The following BIN1 variants were observed in gnomAD, a reference collection of about 807,000 sequenced individuals.
BIN1 encodes the protein myc box-dependent-interacting protein 1.
BIN1 carries 53 observed loss-of-function variants against 82.0 expected under a neutral mutation model. That is an observed-to-expected ratio of 0.65 (90% confidence interval 0.52 to 0.81). BIN1 has a LOEUF of 0.81. BIN1 is among the 40% of genes least tolerant of loss of function. The pLI is 0.00. For missense variants in BIN1, 642 were observed against 784.4 expected (o/e 0.82, Z 2.17); for synonymous variants, 302 against 328.0 (o/e 0.92, Z 0.86).
chr2:127,098,821 C>T (rs1462477473), intron 1 of BIN1, among the ~76,000 whole-genome samples: 39 of 152,228 alleles, frequency 2.6e-4, no homozygotes, highest in Admixed American at 2.4e-3. Flanking sequence ...TGCAGAGGAC[C>T]GAGGCCAAGC....
At chr2:127,106,336 G>A (rs1224533067) in intron 1 of BIN1, among the ~76,000 whole-genome samples, 2 of 152,250 alleles carry the variant, frequency 1.3e-5, no homozygotes, top group East Asian at 3.9e-4. Flanking sequence ...AACGAAAGTG[G>A]AGAAGCAGTG....
intron 1 of BIN1, among the ~76,000 whole-genome samples, chr2:127,097,603 T>C (rs1009635238): frequency 7.9e-5 from 12 of 152,156 alleles, no homozygotes; most frequent in African/African-American, 2.7e-4. Context: ...CCCCAGACCC[T>C]GGGCATGGCT....
chr2:127,100,997 T>TGTGGGGG (rs1680245471), intron 1 of BIN1, among the ~76,000 whole-genome samples: 1 of 71,106 alleles, frequency 1.4e-5, no homozygotes, highest in Admixed American at 1.4e-4. Context: ...GGTAGGAATG[T>TGTGGGGG]GCGGGGGGTG....
Position 127,068,124 on chromosome 2 carries a change from G to C in BIN1, c.612+39C>G. 6.3e-7 allele frequency: 1 copy of C among 1,589,602 alleles called. No homozygotes were observed. Among genetic ancestry groups the C allele is most frequent in the Non-Finnish European group, 8.6e-7 (1 of 1,163,374 alleles). ...GGCGAGAGGACAGGACGACAGACCG[G>C]AAGGCGCCAGCACGTGCAAGGTTAG... On this transcript the variant is annotated intron_variant, in intron 7 of 18. Transcript: ENST00000316724. This position sits in a 1 kb window ranked among gnomAD's most constrained non-coding sequence, Gnocchi z 4.9.
chr2:127,082,039 T>C lies in BIN1; in HGVS notation c.85-5333A>G, dbSNP rs972940746. ...GGCAGGCGGGCAGGGGGAAGGCCAC[T>C]GTCAGACACCCGGCCAGGCTTTCTC... is the stretch of plus-strand genomic sequence containing the variant. On this transcript the variant is annotated intron_variant, in intron 1 of 18. Transcript: ENST00000316724. The surrounding 1 kb of genome is among the most constrained non-coding windows in gnomAD (Gnocchi z 6.1). Among the ~76,000 whole-genome samples, 3 of 152,026 alleles carry C rather than the reference T, an allele frequency of 2.0e-5. No individual in the cohort carries two copies. The highest frequency in any genetic ancestry group is 4.4e-5 in the Non-Finnish European group (3 of 67,994).
chr2:127,083,436 A>G (rs779631813), intron 1 of BIN1, among the ~76,000 whole-genome samples: 6 of 152,202 alleles, frequency 3.9e-5, no homozygotes, highest in Non-Finnish European at 7.3e-5. Context: ...AGCCAACAGA[A>G]GGTAAGCAGC....
chr2:127,048,723 G>T, intron 18 of BIN1, 90 bp from the exon 19 acceptor site: 1 of 1,260,032 alleles, frequency 7.9e-7, no homozygotes, highest in Non-Finnish European at 1.1e-6. Context: ...TGGGAAGACG[G>T]CCCCTCCTCC....
chr2:127,060,401 G>A (rs1488217649), intron 10 of BIN1, among the ~76,000 whole-genome samples: 1 of 152,208 alleles, frequency 6.6e-6, no homozygotes, highest in East Asian at 1.9e-4. Flanking sequence ...AATGCAGCCA[G>A]ATGCTCAGAG....
intron 1 of BIN1, among the ~76,000 whole-genome samples, chr2:127,106,197 C>T (rs1681095195): frequency 6.6e-6 from 1 of 152,222 alleles, no homozygotes; most frequent in Non-Finnish European, 1.5e-5. Context: ...TAAGCCCCTG[C>T]TGGGGCGAGG....
At chr2:127,099,712 C>T (rs1208569605) in intron 1 of BIN1, among the ~76,000 whole-genome samples, 2 of 151,976 alleles carry the variant, frequency 1.3e-5, no homozygotes, top group East Asian at 3.9e-4. Flanking sequence ...CGGGGGTTCA[C>T]CATGTTGGCC....
rs866123187 is a variant in BIN1 at position 127,068,402 on chromosome 2, A to G, written c.520-147T>C. 1.4e-4 allele frequency: 64 copies of G among 449,138 alleles called. No individual in the cohort carries two copies. In the Middle Eastern group the frequency reaches 1.9e-3, roughly 13 times the overall value. The allele number at this position is 449,138 out of a possible 1,614,324, so 27.8% of individuals were successfully genotyped here. A position where few individuals can be genotyped will look rare whatever the true frequency, so the allele number is the denominator to read the frequency against. On this transcript the variant is annotated intron_variant, in intron 6 of 18. Transcript: ENST00000316724. This position sits in a 1 kb window ranked among gnomAD's most constrained non-coding sequence, Gnocchi z 4.9. ...GATATGGGCCCTTGAGGCCGAGAGA[A>G]TTAGGGGGAGCCCGGGGGGTAAGGA...
chr2:127,077,288 C>T (rs1339673055), intron 1 of BIN1, among the ~76,000 whole-genome samples: 1 of 151,918 alleles, frequency 6.6e-6, no homozygotes, highest in Non-Finnish European at 1.5e-5. Context: ...TAGATGTGAC[C>T]TGCCCCAGGC....
chr2:127,059,346 G>A lies in BIN1; in HGVS notation c.858-191C>T, dbSNP rs967404442. Among the ~76,000 whole-genome samples, 2 of 151,788 alleles carry A rather than the reference G, an allele frequency of 1.3e-5. No homozygotes were observed. Among genetic ancestry groups the A allele is most frequent in the South Asian group, 4.2e-4 (2 of 4,784 alleles). The stretch of plus-strand genomic sequence containing the variant: ...GAGCCAAGGGACCTGGGCTTGGGGG[G>A]CTGGAAGTGGGAAGCCTGCCTCAGA... On this transcript the variant is annotated intron_variant, in intron 10 of 18. Transcript: ENST00000316724. This position sits in a 1 kb window ranked among gnomAD's most constrained non-coding sequence, Gnocchi z 6.7.
rs1684085224 is a variant in BIN1, at chr2:127,059,048, G to A, written c.965C>T (p.Ala322Val). Residue 322 changes from alanine to valine, a missense_variant, in exon 11 of 19, where the codon GCC (alanine) becomes GTC (valine). Physicochemically the swap from Ala to Val is moderately conservative, Grantham distance 64 (BLOSUM62 0). Transcript: ENST00000316724. The surrounding 1 kb of genome is among the most constrained non-coding windows in gnomAD (Gnocchi z 6.7). Reference protein sequence around the residue: ...VNHEPEPAGGATPGATLPKSP... With the variant: ...VNHEPEPAGGVTPGATLPKSP... Reference sequence around the variant, plus strand: ...CTTGGGGAGGGTGGCCCCGGGCGTGGCCCCGCCGGCCGGCTCTGGCTCGTG... The same window carrying A: ...CTTGGGGAGGGTGGCCCCGGGCGTGACCCCGCCGGCCGGCTCTGGCTCGTG... 2 of 1,569,936 alleles carry A rather than the reference G, an allele frequency of 1.3e-6. No homozygotes were observed. Among genetic ancestry groups the A allele is most frequent in the East Asian group, 4.7e-5 (2 of 42,824 alleles).
intron 10 of BIN1, among the ~76,000 whole-genome samples, chr2:127,061,140 G>A (rs1684408121): frequency 6.6e-6 from 1 of 151,934 alleles, no homozygotes; most frequent in African/African-American, 2.4e-5. Flanking sequence ...TACAGGCCAG[G>A]CAGCTGTCCC....
At position 127,059,306 on chromosome 2, in the gene BIN1, G is replaced by C; in HGVS notation, c.858-151C>G. ...TGTGTGTGTGTGTATGTGAGAGAGA[G>C]CAGGAGGGTGGGGGGAGCCAAGGGA... On this transcript the variant is annotated intron_variant, in intron 10 of 18. Coordinates refer to ENST00000316724, the MANE Select transcript of BIN1 (RefSeq NM_139343.3). The surrounding 1 kb of genome is among the most constrained non-coding windows in gnomAD (Gnocchi z 6.7). The C allele has an allele frequency of 1.6e-6, 1 of 635,484 alleles. No individual in the cohort carries two copies. The highest frequency in any genetic ancestry group is 1.7e-5 in the South Asian group (1 of 57,350). The allele number at this position is 635,484 out of a possible 1,614,324, so 39.4% of individuals were successfully genotyped here. A position where few individuals can be genotyped will look rare whatever the true frequency, so the allele number is the denominator to read the frequency against.
intron 18 of BIN1, 108 bp downstream of exon 18, chr2:127,050,313 C>A: frequency 1.7e-6 from 2 of 1,203,110 alleles, no homozygotes; most frequent in East Asian, 2.5e-5. Flanking sequence ...CCCTGGTGCT[C>A]GCGGGCCTCT....
At chr2:127,052,195 C>A (rs1683041224) in intron 15 of BIN1, 60 bp downstream of exon 15, 3 of 1,508,190 alleles carry the variant, frequency 2.0e-6, no homozygotes. Context: ...GGCTCTCCTT[C>A]CATGCTGCAC....
intron 1 of BIN1, chr2:127,081,899 C>A: frequency 1.6e-6 from 2 of 1,277,106 alleles, no homozygotes; most frequent in East Asian, 6.0e-5. Context: ...CCCTGTCTCG[C>A]CCCTTCCTCC....
Sources: gnomAD v4.1 joint callset for allele counts (sites outside exome capture counted in the v4.1 genomes callset) on GRCh38, gnomAD v4.1.1 for gene constraint, Gnocchi (gnomAD v3.1) non-coding constraint, MANE v1.5 for transcripts, NCBI Gene and HGNC (gene_info 2026-07-23, HGNC 2026-07-21) for gene names.